The following LRPAP1 variants were observed in gnomAD, a reference collection of about 807,000 sequenced individuals.
The protein encoded by LRPAP1 is LDL receptor related protein associated protein 1, also known as alpha-2-macroglobulin receptor-associated protein.
Under a neutral mutation model 39.9 loss-of-function variants are expected in LRPAP1, and 41 were observed. The observed-to-expected ratio is 1.03, with a 90% CI of 0.80 to 1.33. LRPAP1 has a LOEUF of 1.33. Ranked by LOEUF, LRPAP1 falls within the 40% of genes most tolerant of loss-of-function variation. The pLI is 0.00. For synonymous variants in LRPAP1, 263 were observed against 212.7 expected, an observed-to-expected ratio of 1.24 and a Z score of -2.06; for missense variants, 565 against 482.3, an observed-to-expected ratio of 1.17 and a Z score of -1.61.
In LRPAP1 at chr4:3,520,079, C is replaced by A. The variant is rs762050623; in HGVS notation, c.464G>T (p.Trp155Leu). The stretch of plus-strand genomic sequence containing the variant: ...CAAACAATCGAAGAGTACCTTGTGC[C>A]ACAGCTTTTCCAGCCTGGGGTCATC... ...GLDDPRLEKL[W>L]HKAKTSGKFS... The change falls in exon 3 of 8, where the codon TGG (tryptophan) becomes TTG (leucine). Residue 155 changes from tryptophan (W) to leucine (L), a missense_variant. Physicochemically the swap from Trp to Leu is moderately conservative, Grantham distance 61. Transcript: ENST00000650182. 3 of 1,614,074 alleles carry A rather than the reference C, an allele frequency of 1.9e-6. No homozygotes were observed. Among genetic ancestry groups the A allele is most frequent in the Non-Finnish European group, 2.5e-6 (3 of 1,180,014 alleles).
In LRPAP1 at chr4:3,514,743, C is replaced by T. The variant is rs200563559; in HGVS notation, c.1011+9G>A. On this transcript the variant is annotated intron_variant, in intron 7 of 7. Transcript: ENST00000650182. ...CTGTGGCCTCCCCGGTCCTGGAACC[C>T]GTGCGCACCGTGTAGCCCAGCTCCT... is the stretch of plus-strand genomic sequence containing the variant. The T allele has an allele frequency of 8.2e-6, 13 of 1,593,926 alleles. No homozygotes were observed. The highest frequency in any genetic ancestry group is 6.7e-5 in the Admixed American group (4 of 59,324).
At chr4:3,514,651 G>A (rs1298450916) in intron 7 of LRPAP1, 101 bp downstream of exon 7, 2 of 1,413,198 alleles carry the variant, frequency 1.4e-6, no homozygotes, top group East Asian at 2.3e-5. Context: ...AGCAGCGTGG[G>A]GCCCACACCC....
Position 3,507,038 on chromosome 4 carries a change from G to A in LRPAP1, c.*5936C>T, listed in dbSNP as rs982473677. On this transcript the variant is annotated 3_prime_UTR_variant, in exon 8 of 8. Transcript: ENST00000650182. Reference sequence around the variant, plus strand: ...CCGAGACCAGCCTGGGCAACACAGCGAGACCCAGTCTCTATAAAAAAAACC... The same window carrying A: ...CCGAGACCAGCCTGGGCAACACAGCAAGACCCAGTCTCTATAAAAAAAACC... 6.6e-6 allele frequency: 1 copy of A among 152,166 alleles called. No homozygotes were observed. The highest frequency in any genetic ancestry group is 1.5e-5 in the Non-Finnish European group (1 of 68,050). The allele number at this position is 152,166 out of a possible 1,614,324, so 9.4% of individuals were successfully genotyped here.
In LRPAP1 at chr4:3,512,935, G is replaced by A. The variant is rs200127365; in HGVS notation, c.*39C>T. The A allele has an allele frequency of 6.0e-4, 947 of 1,579,792 alleles. 5 individuals are homozygous for A. The African/African-American group carries it at 8.9e-3, about 15-fold the overall frequency. On this transcript the variant is annotated 3_prime_UTR_variant, in exon 8 of 8. Coordinates refer to ENST00000650182, the MANE Select transcript of LRPAP1 (RefSeq NM_002337.4). Reference sequence around the variant, plus strand: ...ACGGCCAAGAGCCCAGGTCCTTCACGCTGGCCTCTTCCCTGCCGGGCTGGG... The same window carrying A: ...ACGGCCAAGAGCCCAGGTCCTTCACACTGGCCTCTTCCCTGCCGGGCTGGG...
intron 1 of LRPAP1, among the ~76,000 whole-genome samples, chr4:3,531,162 T>C (rs940609683): frequency 2.6e-5 from 4 of 152,038 alleles, no homozygotes; most frequent in African/African-American, 4.8e-5. Context: ...GGCTGAACAT[T>C]ACGCCTGGGG....
At chr4:3,519,162 G>A (rs1729828318) in intron 3 of LRPAP1, among the ~76,000 whole-genome samples, 171 bp from the exon 4 acceptor site, 1 of 152,224 alleles carries the variant, frequency 6.6e-6, no homozygotes, top group African/African-American at 2.4e-5. Context: ...GAGAAGAGCT[G>A]CCGGCAGGCA....
chr4:3,520,214 TATTTGATATGGTTTCCTGTG>T, intron 2 of LRPAP1, 21 bp from the exon 3 acceptor site: 1 of 1,606,666 alleles, frequency 6.2e-7, no homozygotes, highest in Non-Finnish European at 8.5e-7. Flanking sequence ...GGGGAGGTTC[TATTTGATATGGTTTCCTGTG>T]AAAAACAGTC....
At chr4:3,532,064 G>A (rs1355066161) in intron 1 of LRPAP1, 145 bp downstream of exon 1, 3 of 881,794 alleles carry the variant, frequency 3.4e-6, no homozygotes, top group South Asian at 1.8e-5. Flanking sequence ...ACACTTGGGG[G>A]AGGCTGTGCC....
intron 1 of LRPAP1, 112 bp downstream of exon 1, chr4:3,532,097 A>T: frequency 8.2e-7 from 1 of 1,216,660 alleles, no homozygotes; most frequent in Non-Finnish European, 1.1e-6. Flanking sequence ...CGTAGGGCAC[A>T]GGTGCCCCGG....
At position 3,518,158 on chromosome 4, in the gene LRPAP1, C is replaced by G; in HGVS notation, c.627G>C (p.Leu209=). The G allele has an allele frequency of 1.2e-6, 2 of 1,613,422 alleles. No individual in the cohort carries two copies. Among genetic ancestry groups the G allele is most frequent in the Non-Finnish European group, 1.7e-6 (2 of 1,179,818 alleles). The part of the protein sequence containing the change: ...IHENVISPSD[L]SDIKGSVLHS... ...GCAGGACGCTGCCCTTGATGTCGCT[C>G]AGGTCCGAGGGGCTAATGACGTTCT... The change falls in exon 5 of 8, where the codon CTG becomes CTC. Residue 209 remains leucine, a synonymous_variant. Transcript: ENST00000650182.
Position 3,520,063 on chromosome 4 carries a change from G to A in LRPAP1, c.471+9C>T, listed in dbSNP as rs769947444. On this transcript the variant is annotated intron_variant, in intron 3 of 7. Transcript: ENST00000650182. ...AATTCTGCAAGGTATGCAAACAATCGAAGAGTACCTTGTGCCACAGCTTTT... is the reference window on the plus strand; with the variant it reads ...AATTCTGCAAGGTATGCAAACAATCAAAGAGTACCTTGTGCCACAGCTTTT... The A allele has an allele frequency of 2.9e-5, 46 of 1,613,604 alleles. No homozygotes were observed. Among genetic ancestry groups the A allele is most frequent in the Non-Finnish European group, 3.8e-5 (45 of 1,179,826 alleles).
chr4:3,517,353 A>G (rs1340888160), intron 5 of LRPAP1, among the ~76,000 whole-genome samples: 4 of 152,252 alleles, frequency 2.6e-5, no homozygotes, highest in Non-Finnish European at 4.4e-5. Context: ...TCTTATCACC[A>G]TGAGGGCACA....
intron 5 of LRPAP1, 81 bp from the exon 6 acceptor site, chr4:3,516,279 T>C (rs1457595139): frequency 6.4e-6 from 7 of 1,085,480 alleles, no homozygotes; most frequent in South Asian, 1.3e-5. Flanking sequence ...ACGCTGAGTG[T>C]GCGTGGAGCC....
intron 7 of LRPAP1, 24 bp downstream of exon 7, chr4:3,514,728 C>G: frequency 6.3e-7 from 1 of 1,577,982 alleles, no homozygotes; most frequent in Non-Finnish European, 8.6e-7. Flanking sequence ...CTGTGGCCTC[C>G]CCGGTCCTGG....
chr4:3,515,031 C>G (rs572402967), intron 6 of LRPAP1, 103 bp from the exon 7 acceptor site: 1 of 1,326,970 alleles, frequency 7.5e-7, no homozygotes, highest in Non-Finnish European at 1.1e-6. Context: ...GCGCCATACC[C>G]GGGGCAGGAC....
At position 3,524,988 on chromosome 4, in the gene LRPAP1, C is replaced by T. The variant is rs146399188; in HGVS notation, c.268G>A (p.Glu90Lys). The stretch of plus-strand genomic sequence containing the variant: ...AGCTTTAGTTTCTTCCAGGCGAGTT[C>T]GTCCCTCTCCTGTATCTTCAGATCA... ...HADLKIQERD[E>K]LAWKKLKLDG... is the part of the protein sequence containing the mutation. Residue 90 changes from glutamate (E) to lysine (K), a missense_variant, in exon 2 of 8, where the codon GAA becomes AAA. Transcript: ENST00000650182. 2.5e-4 allele frequency: 405 copies of T among 1,614,018 alleles called. No homozygotes were observed. The highest frequency in any genetic ancestry group is 3.1e-4 in the Non-Finnish European group (360 of 1,180,038).
intron 1 of LRPAP1, among the ~76,000 whole-genome samples, chr4:3,526,844 G>A (rs926169169): frequency 1.3e-5 from 2 of 152,152 alleles, no homozygotes; most frequent in Non-Finnish European, 2.9e-5. Context: ...TGTCAGCTCC[G>A]CCCTCTCTTC....
At chr4:3,515,900 G>A in intron 6 of LRPAP1, 1 of 591,946 alleles carries the variant, frequency 1.7e-6, no homozygotes, top group Non-Finnish European at 3.0e-6. Context: ...AAGAACCAAA[G>A]CCCCTCCCTC....
In LRPAP1 at chr4:3,520,168, G is replaced by A. The variant is rs150108954; in HGVS notation, c.375C>T (p.Asp125=). ...LNVILAKYGL[D]GKKDARQVTS... ...TCACCTGCCGAGCGTCCTTCTTTCC[G>A]TCCAGACCATACTTGGCCAAGATGA... Residue 125 remains aspartate, a synonymous_variant, in exon 3 of 8, where the codon GAC becomes GAT. Transcript: ENST00000650182. 5.6e-6 allele frequency: 9 copies of A among 1,613,982 alleles called. No individual in the cohort carries two copies. The highest frequency in any genetic ancestry group is 4.5e-5 in the East Asian group (2 of 44,892).
Sources: allele counts gnomAD v4.1 joint callset (sites outside exome capture counted in the v4.1 genomes callset), GRCh38; gene constraint gnomAD v4.1.1; transcripts MANE v1.5; gene names NCBI Gene and HGNC (gene_info 2026-07-23, HGNC 2026-07-21).